The following PTPRB variants were observed in gnomAD, a reference collection of about 807,000 sequenced individuals.
The protein encoded by PTPRB is receptor-type tyrosine-protein phosphatase beta.
In PTPRB, 97 loss-of-function variants were observed where a neutral mutation model predicts 238.1. The ratio of observed to expected loss-of-function variants is 0.41; its 90% CI spans 0.35 to 0.48. PTPRB has a LOEUF of 0.48. PTPRB is among the 20% of genes least tolerant of loss of function. PTPRB has a pLI of 0.30. For missense variants in PTPRB, 2,292 were observed against 2,681.9 expected, an observed-to-expected ratio of 0.85 and a Z score of 3.21; for synonymous variants, 970 against 995.4, an observed-to-expected ratio of 0.97 and a Z score of 0.48.
chr12:70,626,358 TC>T (rs1566023300), intron 2 of PTPRB, among the ~76,000 whole-genome samples: 9 of 134,956 alleles, frequency 6.7e-5, no homozygotes, highest in Non-Finnish European at 1.3e-4. Context: ...TATCTATCTA[TC>T]TATCTATATT....
At chr12:70,584,660 G>A (rs867351049) in intron 9 of PTPRB, among the ~76,000 whole-genome samples, 2 of 152,062 alleles carry the variant, frequency 1.3e-5, no homozygotes, top group South Asian at 2.1e-4. Flanking sequence ...TTTCAAGACC[G>A]AGAGCTATAT....
intron 21 of PTPRB, among the ~76,000 whole-genome samples, chr12:70,549,290 A>G (rs1297111633): frequency 6.6e-6 from 1 of 152,198 alleles, no homozygotes; most frequent in Non-Finnish European, 1.5e-5. Context: ...ATGTGGTTCA[A>G]TTTCCTTCCT....
At chr12:70,588,836 C>T (rs1396912748) in intron 8 of PTPRB, among the ~76,000 whole-genome samples, 1 of 151,736 alleles carries the variant, frequency 6.6e-6, no homozygotes, top group Non-Finnish European at 1.5e-5. Context: ...GCCTGTAATC[C>T]CAGATACTTG....
chr12:70,580,899 G>A, intron 10 of PTPRB, 137 bp downstream of exon 10: 2 of 892,274 alleles, frequency 2.2e-6, no homozygotes, highest in Non-Finnish European at 3.3e-6. Flanking sequence ...CCTTCTGGAT[G>A]GCTAGCTTTT....
chr12:70,555,083 T>C, intron 20 of PTPRB, 77 bp downstream of exon 20: 1 of 1,491,280 alleles, frequency 6.7e-7, no homozygotes, highest in South Asian at 1.3e-5. Flanking sequence ...TTAAACTTTG[T>C]CACAGAAAGA....
At position 70,521,051 on chromosome 12, in the gene PTPRB, T is replaced by C. The variant is rs993359639; in HGVS notation, c.*438A>G. 1 of 154,682 alleles carries C rather than the reference T, an allele frequency of 6.5e-6. No homozygotes were observed. The highest frequency in any genetic ancestry group is 2.4e-5 in the African/African-American group (1 of 41,526). The allele number at this position is 154,682 out of a possible 1,614,324, so 9.6% of individuals were successfully genotyped here. ...ATTCATGGGACAGCAATGCAGCAAA[T>C]CTAGCCATAGTATTTGCTCTCTCTA... On this transcript the variant is annotated 3_prime_UTR_variant, in exon 34 of 34. Coordinates refer to ENST00000334414, the MANE Select transcript of PTPRB (RefSeq NM_001109754.4).
At position 70,535,302 on chromosome 12, in the gene PTPRB, T is replaced by C. The variant is rs548075976; in HGVS notation, c.6082-347A>G. 2.6e-3 allele frequency among the ~76,000 whole-genome samples: 391 copies of C among 151,642 alleles called. 2 individuals carry two copies. The highest frequency in any genetic ancestry group is 8.8e-3 in the African/African-American group (363 of 41,290). On this transcript the variant is annotated intron_variant, in intron 29 of 33. Transcript: ENST00000334414. The stretch of plus-strand genomic sequence containing the variant: ...AGGTAAACTGTGGTTCACAACGTAT[T>C]GTTCTTTCTAAAGAAAGAAATATCT...
chr12:70,576,249 C>T lies in PTPRB; in HGVS notation c.2842+133G>A, dbSNP rs537880940. On this transcript the variant is annotated intron_variant, in intron 11 of 33. Transcript: ENST00000334414. ...ATAAGGAGTTTCTTGGGTTAAAATA[C>T]GAAGACTTCATAACAGTTTTGTGAT... 7.3e-4 allele frequency: 722 copies of T among 989,818 alleles called. 7 individuals carry two copies. In the South Asian group the frequency reaches 0.012, roughly 16 times the overall value. The allele number at this position is 989,818 out of a possible 1,614,324, so 61.3% of individuals were successfully genotyped here. A position where few individuals can be genotyped will look rare whatever the true frequency, so the allele number is the denominator to read the frequency against.
Position 70,544,623 on chromosome 12 carries a change from G to A in PTPRB, c.5428C>T (p.Leu1810=). 6.2e-7 allele frequency: 1 copy of A among 1,604,910 alleles called. No homozygotes were observed. The highest frequency in any genetic ancestry group is 8.5e-7 in the Non-Finnish European group (1 of 1,177,432). The part of the protein sequence containing the change: ...RAFTQLFDED[L]KEFTKPLYSD... The stretch of plus-strand genomic sequence containing the variant: ...TAGAGTGGCTTTGTGAATTCCTTCA[G>A]GTCCTCATCAAAGAGCTGTGTAAAA... Residue 1810 remains leucine, a synonymous_variant, in exon 22 of 34, where the codon CTG becomes TTG. Transcript: ENST00000334414.
At chr12:70,624,318 G>T (rs1182775435) in intron 2 of PTPRB, among the ~76,000 whole-genome samples, 2 of 151,876 alleles carry the variant, frequency 1.3e-5, no homozygotes, top group Admixed American at 1.3e-4. Context: ...ATTATCTGGC[G>T]ATCCTACTTG....
At chr12:70,597,097 T>C (rs1883099176) in intron 4 of PTPRB, among the ~76,000 whole-genome samples, 1 of 152,036 alleles carries the variant, frequency 6.6e-6, no homozygotes. Flanking sequence ...TTTTTTTGTA[T>C]TTTTAGTAGA....
At chr12:70,562,716 G>T in intron 16 of PTPRB, 128 bp downstream of exon 16, 2 of 1,230,568 alleles carry the variant, frequency 1.6e-6, no homozygotes, top group African/African-American at 1.5e-5. Flanking sequence ...CAAACAGCCT[G>T]AAAGTCACAA....
intron 2 of PTPRB, among the ~76,000 whole-genome samples, chr12:70,629,067 G>A (rs1885327176): frequency 6.6e-6 from 1 of 151,444 alleles, no homozygotes; most frequent in Non-Finnish European, 1.5e-5. Flanking sequence ...ATTTATTCAG[G>A]AAGAAGAAGT....
At chr12:70,558,136 A>G (rs1877975445) in intron 18 of PTPRB, among the ~76,000 whole-genome samples, 1 of 152,038 alleles carries the variant, frequency 6.6e-6, no homozygotes, top group African/African-American at 2.4e-5. Flanking sequence ...CTACTCTAAT[A>G]CCAGATGCAA....
intron 22 of PTPRB, among the ~76,000 whole-genome samples, chr12:70,543,451 T>C (rs997159371): frequency 6.6e-6 from 1 of 152,240 alleles, no homozygotes; most frequent in Non-Finnish European, 1.5e-5. Flanking sequence ...AAGGAAAGAA[T>C]TGTGTTTACA....
chr12:70,562,621 T>C (rs951810628), intron 16 of PTPRB, among the ~76,000 whole-genome samples: 4 of 152,136 alleles, frequency 2.6e-5, no homozygotes, highest in African/African-American at 9.7e-5. Flanking sequence ...CCCTAGGAAG[T>C]AAATAAGTGG....
rs989808134 is a variant in PTPRB, at chr12:70,635,903, G to A, written c.219C>T (p.Asn73=). 1.2e-6 allele frequency: 2 copies of A among 1,613,754 alleles called. No individual in the cohort carries two copies. Among genetic ancestry groups the A allele is most frequent in the Non-Finnish European group, 1.7e-6 (2 of 1,179,896 alleles). ...CTGAGCGGGAGGGGCCGCGGGAAGA[G>A]TTGGAGATGGCCAAGCACAGTGCAG... ...VKSALCLAIS[N]SSRGPSRSAI... Residue 73 remains asparagine (N), a synonymous_variant, in exon 2 of 34, where the codon AAC becomes AAT. Coordinates refer to ENST00000334414, the MANE Select transcript of PTPRB (RefSeq NM_001109754.4).
chr12:70,629,803 G>T (rs1885364678), intron 2 of PTPRB, among the ~76,000 whole-genome samples: 1 of 152,152 alleles, frequency 6.6e-6, no homozygotes, highest in African/African-American at 2.4e-5. Flanking sequence ...TACCATCAGA[G>T]AATATTATAA....
intron 14 of PTPRB, among the ~76,000 whole-genome samples, chr12:70,567,718 T>C (rs912815244): frequency 6.6e-6 from 1 of 152,230 alleles, no homozygotes; most frequent in African/African-American, 2.4e-5. Flanking sequence ...CATATTTTCA[T>C]AGCACTCCCA....
Sources: gnomAD v4.1 joint callset for allele counts (sites outside exome capture counted in the v4.1 genomes callset) on GRCh38, gnomAD v4.1.1 for gene constraint, MANE v1.5 for transcripts, NCBI Gene and HGNC (gene_info 2026-07-23, HGNC 2026-07-21) for gene names.